DUSP14: variants seen among roughly 807,000 people sequenced by gnomAD.
The protein encoded by DUSP14 is dual specificity phosphatase 14.
DUSP14 carries 5 observed loss-of-function variants against 13.2 expected under a neutral mutation model. That is an observed-to-expected ratio of 0.38 (90% CI 0.20 to 0.80). The LOEUF is 0.80. Among genes scored for constraint, DUSP14 ranks in the 30% least tolerant of loss-of-function variants. DUSP14 has a pLI of 0.44. For synonymous variants in DUSP14, 91 were observed against 103.4 expected (o/e 0.88, Z 0.73); for missense variants, 185 against 264.0 (o/e 0.70, Z 2.07).
intron 1 of DUSP14, among the ~76,000 whole-genome samples, chr17:37,495,943 C>T (rs1390079722): frequency 2.6e-5 from 4 of 152,164 alleles, no homozygotes; most frequent in Non-Finnish European, 5.9e-5. Flanking sequence ...CAGGCATGAG[C>T]CACCGCGCCC....
intron 2 of DUSP14, among the ~76,000 whole-genome samples, chr17:37,511,938 C>CCTTTTT (rs1568206074): frequency 5.2e-5 from 2 of 38,250 alleles, no homozygotes; most frequent in African/African-American, 2.0e-4. Context: ...CCCCACCCCA[C>CCTTTTT]TTTTTTTTTT....
rs1440979173 is a variant in DUSP14 at position 37,513,293 on chromosome 17, T to C, written c.*424T>C. The C allele has an allele frequency of 8.7e-6, 1 of 114,408 alleles. No individual in the cohort carries two copies. Among genetic ancestry groups the C allele is most frequent in the African/African-American group, 4.3e-5 (1 of 23,276 alleles). The allele number at this position is 114,408 out of a possible 1,614,324, so 7.1% of individuals were successfully genotyped here. On this transcript the variant is annotated 3_prime_UTR_variant, in exon 3 of 3. Coordinates refer to ENST00000617516, the MANE Select transcript of DUSP14 (RefSeq NM_007026.4). ...GGACCAGACAGATGCTTAGGGAAGG[T>C]TGATAACCAGCTTCAGTCTCTACTG... is the stretch of plus-strand genomic sequence containing the variant.
intron 1 of DUSP14, among the ~76,000 whole-genome samples, chr17:37,509,133 A>ATATATATATATATG (rs1195715658): frequency 2.8e-5 from 1 of 35,266 alleles, no homozygotes; most frequent in East Asian, 6.9e-4. Flanking sequence ...ATATATACAC[A>ATATATATATATATG]CACACACACA....
At chr17:37,500,264 G>A (rs2054096620) in intron 1 of DUSP14, among the ~76,000 whole-genome samples, 1 of 152,226 alleles carries the variant, frequency 6.6e-6, no homozygotes, top group Non-Finnish European at 1.5e-5. Flanking sequence ...CAGGTATATG[G>A]TAAGGAAGTC....
At chr17:37,495,494 C>T (rs747812542) in intron 1 of DUSP14, among the ~76,000 whole-genome samples, 1 of 152,080 alleles carries the variant, frequency 6.6e-6, no homozygotes, top group Non-Finnish European at 1.5e-5. Context: ...GTTTTGACTC[C>T]TATGTCTTTG....
intron 1 of DUSP14, among the ~76,000 whole-genome samples, chr17:37,493,066 T>A (rs2054039706): frequency 1.3e-5 from 2 of 152,186 alleles, no homozygotes; most frequent in Admixed American, 1.3e-4. Context: ...TATAATTTTT[T>A]AAATTTCTGC....
intron 1 of DUSP14, among the ~76,000 whole-genome samples, chr17:37,500,187 T>C (rs1408977067): frequency 3.3e-5 from 5 of 152,264 alleles, no homozygotes. Flanking sequence ...AATGGGAAAT[T>C]AATTTATTAG....
rs1164025226 is a variant in DUSP14 at position 37,509,104 on chromosome 17, CATATAT to C, written c.-180-1553_-180-1548del. On this transcript the variant is annotated intron_variant, in intron 1 of 2. Transcript: ENST00000617516. ...AGCCAGACCAAAAAAAAAAAAAACCCATATATATATATATATATATATATACACACA... is the reference window on the plus strand; with the variant it reads ...AGCCAGACCAAAAAAAAAAAAAACCCATATATATATATATATATACACACA... 8.3e-4 allele frequency among the ~76,000 whole-genome samples: 30 copies of C among 36,040 alleles called. 1 individual carries two copies. The highest frequency in any genetic ancestry group is 1.7e-3 in the East Asian group (1 of 594). The allele number at this position is 36,040 out of a possible 152,430, so 23.6% of individuals were successfully genotyped here.
chr17:37,495,910 G>A (rs188866703), intron 1 of DUSP14, among the ~76,000 whole-genome samples: 3 of 152,030 alleles, frequency 2.0e-5, no homozygotes, highest in East Asian at 1.9e-4. Context: ...CACCTGCCTC[G>A]GACCCCCAAA....
In DUSP14 at chr17:37,512,762, CAGCTCTTTGG is replaced by C; in HGVS notation, c.491_500del (p.Gln164ArgfsTer14). On this transcript the variant is annotated frameshift_variant, in exon 3 of 3. Transcript: ENST00000617516. LOFTEE classifies it high-confidence loss of function. This position sits in a 1 kb window ranked among gnomAD's most constrained non-coding sequence, Gnocchi z 4.8. ...GAGGCAACTGATAGACTACGAGCGC[CAGCTCTTTGG>C]GAAGTCGACAGTTAAAATGGTACAG... 1 of 1,613,886 alleles carries C rather than the reference CAGCTCTTTGG, an allele frequency of 6.2e-7. No individual in the cohort carries two copies. The highest frequency in any genetic ancestry group is 8.5e-7 in the Non-Finnish European group (1 of 1,180,042).
At chr17:37,489,593 C>G (rs1597963902), upstream of DUSP14, among the ~76,000 whole-genome samples, 1 of 152,076 alleles carries the variant, frequency 6.6e-6, no homozygotes, top group African/African-American at 2.4e-5. Context: ...CATACGCAGA[C>G]GCTGACTGGG....
At chr17:37,495,948 G>C (rs1179578953) in intron 1 of DUSP14, among the ~76,000 whole-genome samples, 2 of 152,034 alleles carry the variant, frequency 1.3e-5, no homozygotes, top group African/African-American at 4.8e-5. Context: ...ATGAGCCACC[G>C]CGCCCAGCCT....
chr17:37,504,200 A>T (rs2054123008), intron 1 of DUSP14, among the ~76,000 whole-genome samples: 1 of 152,156 alleles, frequency 6.6e-6, no homozygotes, highest in South Asian at 2.1e-4. Flanking sequence ...TCTCAAACAA[A>T]AACAAAAACC....
At chr17:37,507,474 A>C (rs2054145656) in intron 1 of DUSP14, among the ~76,000 whole-genome samples, 1 of 152,206 alleles carries the variant, frequency 6.6e-6, no homozygotes, top group South Asian at 2.1e-4. Context: ...GTAATTTGGG[A>C]GGATGCATCG....
chr17:37,501,034 T>C (rs1439427824), intron 1 of DUSP14, among the ~76,000 whole-genome samples: 1 of 147,316 alleles, frequency 6.8e-6, no homozygotes. Context: ...AATAGACAAC[T>C]CATGGAAGGA....
Position 37,512,036 on chromosome 17 carries a change from T to C in DUSP14, c.-92-145T>C, listed in dbSNP as rs1475033240. The C allele has an allele frequency of 7.5e-6, 3 of 399,954 alleles. No homozygotes were observed. The highest frequency in any genetic ancestry group is 8.8e-6 in the Non-Finnish European group (2 of 227,288). 24.8% of individuals were successfully genotyped at this position (399,954 alleles called of 1,614,324 possible). ...GTGACTTTTCCCAACTGTTAATTGA[T>C]AGAAAATGATTTGTCTGTATCCTTG... On this transcript the variant is annotated intron_variant, in intron 2 of 2. Transcript: ENST00000617516. This position sits in a 1 kb window ranked among gnomAD's most constrained non-coding sequence, Gnocchi z 4.8.
chr17:37,497,476 T>C (rs370672373), intron 1 of DUSP14, among the ~76,000 whole-genome samples: 1 of 151,728 alleles, frequency 6.6e-6, no homozygotes. Flanking sequence ...CAAAAGGACA[T>C]AGAGGCCTGG....
chr17:37,512,071 A>G lies in DUSP14; in HGVS notation c.-92-110A>G. ...TTTGTCTGTATCCTTGAAAGATTGTACTGTATTATTTAAAAAAAAACCCTC... is the reference window on the plus strand; with the variant it reads ...TTTGTCTGTATCCTTGAAAGATTGTGCTGTATTATTTAAAAAAAAACCCTC... On this transcript the variant is annotated intron_variant, in intron 2 of 2. Coordinates refer to ENST00000617516, the MANE Select transcript of DUSP14 (RefSeq NM_007026.4). The surrounding 1 kb of genome is among the most constrained non-coding windows in gnomAD (Gnocchi z 4.8). 1 of 547,142 alleles carries G rather than the reference A, an allele frequency of 1.8e-6. No homozygotes were observed. The highest frequency in any genetic ancestry group is 2.9e-5 in the East Asian group (1 of 34,994). 33.9% of individuals were successfully genotyped at this position (547,142 alleles called of 1,614,324 possible). A position where few individuals can be genotyped will look rare whatever the true frequency, so the allele number is the denominator to read the frequency against.
chr17:37,511,026 A>G (rs1216826455), intron 2 of DUSP14, among the ~76,000 whole-genome samples: 3 of 151,850 alleles, frequency 2.0e-5, no homozygotes, highest in Non-Finnish European at 4.4e-5. Flanking sequence ...GTAAATGTAT[A>G]TATTGACATT....
Sources: allele counts gnomAD v4.1 joint callset (sites outside exome capture counted in the v4.1 genomes callset), GRCh38; gene constraint gnomAD v4.1.1; non-coding constraint Gnocchi (gnomAD v3.1); transcripts MANE v1.5; gene names NCBI Gene and HGNC (gene_info 2026-07-23, HGNC 2026-07-21).